FBXL18: variants seen among roughly 807,000 people sequenced by gnomAD.
FBXL18 encodes F-box/LRR-repeat protein 18.
A neutral mutation model predicts 46.0 loss-of-function variants in FBXL18; 36 were observed. The ratio of observed to expected loss-of-function variants is 0.78; its 90% CI spans 0.60 to 1.03. The LOEUF is 1.03. Among genes scored for constraint, FBXL18 ranks in the 50% least tolerant of loss-of-function variants. The pLI is 0.00. For synonymous variants in FBXL18, 557 were observed against 465.3 expected, an observed-to-expected ratio of 1.20 and a Z score of -2.54; for missense variants, 977 against 1,004.1, an observed-to-expected ratio of 0.97 and a Z score of 0.36.
chr7:5,466,867 C>G (rs1310011959), intron 4 of FBXL18, among the ~76,000 whole-genome samples: 2 of 152,144 alleles, frequency 1.3e-5, no homozygotes, highest in Admixed American at 6.6e-5. Flanking sequence ...CGCCCCATCT[C>G]GGGACACAAA....
chr7:5,492,446 AG>A (rs1200602601), intron 3 of FBXL18, among the ~76,000 whole-genome samples: 1 of 151,210 alleles, frequency 6.6e-6, no homozygotes, highest in Admixed American at 6.6e-5. Flanking sequence ...ACGTGACTTC[AG>A]GGGCTGCCAG....
downstream of FBXL18, among the ~76,000 whole-genome samples, chr7:5,473,371 C>T (rs1275766986): frequency 6.6e-6 from 1 of 152,162 alleles, no homozygotes; most frequent in Non-Finnish European, 1.5e-5. Context: ...GGTGCCTCCT[C>T]CCACCTCCTG....
At position 5,461,796 on chromosome 7, in the gene FBXL18, C is replaced by G. The variant is rs778705202; in HGVS notation, c.2001-13953G>C. On this transcript the variant is annotated intron_variant and NMD_transcript_variant, in intron 4 of 6. Coordinates refer to the FBXL18 transcript ENST00000415009. ...TCTCTACTAAAAATACAAAAATTGGCCAGGCATGATGGCGGGCGCCTGTAG... is the reference window on the plus strand; with the variant it reads ...TCTCTACTAAAAATACAAAAATTGGGCAGGCATGATGGCGGGCGCCTGTAG... Among the ~76,000 whole-genome samples the G allele has an allele frequency of 2.1e-4, 32 of 152,090 alleles. 1 individual carries two copies. Among genetic ancestry groups the G allele is most frequent in the Non-Finnish European group, 1.0e-4 (7 of 68,026 alleles).
chr7:5,459,739 CAAA>C (rs747295023), intron 4 of FBXL18, among the ~76,000 whole-genome samples: 2 of 92,432 alleles, frequency 2.2e-5, no homozygotes, highest in African/African-American at 3.7e-5. Flanking sequence ...GACTCCATCT[CAAA>C]AAAAAAAAAA....
chr7:5,505,512 G>A lies in FBXL18; in HGVS notation c.137C>T (p.Thr46Ile), dbSNP rs771434988. 1.7e-5 allele frequency: 27 copies of A among 1,614,070 alleles called. No homozygotes were observed. Among genetic ancestry groups the A allele is most frequent in the Admixed American group, 1.0e-4 (6 of 59,988 alleles). ...ACGCCGGACGTTCAGAATCAGATCTGTGCTGGGGACGTGACTCAGGATGTG... is the reference window on the plus strand; with the variant it reads ...ACGCCGGACGTTCAGAATCAGATCTATGCTGGGGACGTGACTCAGGATGTG... The part of the protein sequence containing the change: ...LLHILSHVPS[T>I]DLILNVRRTC... The change falls in exon 2 of 5, where the codon ACA (threonine) becomes ATA (isoleucine). Residue 46 changes from threonine (T) to isoleucine (I), a missense_variant. Thr to Ile is a moderately conservative substitution (Grantham distance 89, BLOSUM62 -1). Coordinates refer to ENST00000382368, the MANE Select transcript of FBXL18 (RefSeq NM_024963.6).
intron 4 of FBXL18, among the ~76,000 whole-genome samples, chr7:5,468,207 T>A (rs1038626972): frequency 1.3e-5 from 2 of 152,066 alleles, no homozygotes; most frequent in African/African-American, 4.8e-5. Flanking sequence ...ATGGTCTCGA[T>A]CTCCTGACCT....
intron 1 of FBXL18, among the ~76,000 whole-genome samples, chr7:5,510,202 T>TGAGTAGAATTGCTTGAACC (rs1396836078): frequency 1.4e-5 from 2 of 146,586 alleles, no homozygotes; most frequent in African/African-American, 5.1e-5. Context: ...CTCAGGAGGC[T>TGAGTAGAATTGCTTGAACC]GAGGCAAGGA....
intron 3 of FBXL18, chr7:5,495,819 G>A (rs1168477945): frequency 1.0e-5 from 5 of 477,530 alleles, no homozygotes; most frequent in Non-Finnish European, 1.7e-5. Flanking sequence ...AGAGGAACGG[G>A]GCCAGCTGGC....
Position 5,491,386 on chromosome 7 carries a change from C to T in FBXL18, c.1845G>A (p.Ser615=), listed in dbSNP as rs756634580. Residue 615 remains serine (S), a synonymous_variant, in exon 4 of 5, where the codon TCG becomes TCA. Coordinates refer to ENST00000382368, the MANE Select transcript of FBXL18 (RefSeq NM_024963.6). The part of the protein sequence containing the change: ...QFFQALSQCP[S]LQRLCLVSRS... ...GAGAGACCAGGCACAGGCGCTGCAG[C>T]GAGGGGCACTGGCTCAGCGCCTGGA... is the stretch of plus-strand genomic sequence containing the variant. 28 of 1,607,560 alleles carry T rather than the reference C, an allele frequency of 1.7e-5. No individual in the cohort carries two copies. The highest frequency in any genetic ancestry group is 2.2e-5 in the East Asian group (1 of 44,762).
At chr7:5,506,849 C>T (rs1784407184) in intron 1 of FBXL18, among the ~76,000 whole-genome samples, 1 of 152,232 alleles carries the variant, frequency 6.6e-6, no homozygotes, top group South Asian at 2.1e-4. Flanking sequence ...CCTGGCCATG[C>T]ACACTTCCTT....
At chr7:5,498,704 G>A (rs1784151013) in intron 3 of FBXL18, among the ~76,000 whole-genome samples, 1 of 152,190 alleles carries the variant, frequency 6.6e-6, no homozygotes, top group Non-Finnish European at 1.5e-5. Context: ...CTGAGTAGCT[G>A]GGACTACAGG....
At chr7:5,506,682 G>C (rs1273402787) in intron 1 of FBXL18, among the ~76,000 whole-genome samples, 1 of 151,888 alleles carries the variant, frequency 6.6e-6, no homozygotes, top group Non-Finnish European at 1.5e-5. Context: ...TCAGCCTCCT[G>C]AGTACCTGGG....
At position 5,478,243 on chromosome 7, in the gene FBXL18, T is replaced by C. The variant is rs6967015; in HGVS notation, c.*3532A>G. On this transcript the variant is annotated 3_prime_UTR_variant, in exon 5 of 5. Coordinates refer to ENST00000382368, the MANE Select transcript of FBXL18 (RefSeq NM_024963.6). Reference sequence around the variant, plus strand: ...TGGCAGGGCCTCTGGGGGCAGCAGATGGCAAGGATAGAGCCCGCCCCCTCT... The same window carrying C: ...TGGCAGGGCCTCTGGGGGCAGCAGACGGCAAGGATAGAGCCCGCCCCCTCT... The C allele has an allele frequency of 0.016, 2,439 of 152,430 alleles. 70 individuals carry two copies. The highest frequency in any genetic ancestry group is 0.056 in the African/African-American group (2,339 of 41,538). The allele number at this position is 152,430 out of a possible 1,614,324, so 9.4% of individuals were successfully genotyped here.
At chr7:5,502,321 G>C (rs1386610705) in intron 2 of FBXL18, among the ~76,000 whole-genome samples, 1 of 152,220 alleles carries the variant, frequency 6.6e-6, no homozygotes, top group Non-Finnish European at 1.5e-5. Flanking sequence ...GATCACCTGA[G>C]GTCAGGAGTT....
chr7:5,487,522 C>T (rs185091012), intron 4 of FBXL18, among the ~76,000 whole-genome samples: 69 of 152,314 alleles, frequency 4.5e-4, no homozygotes, highest in East Asian at 1.9e-3. Flanking sequence ...GTCCCCGACA[C>T]GGCCCCTCTC....
At chr7:5,498,076 TTTAC>T (rs1383288054) in intron 3 of FBXL18, among the ~76,000 whole-genome samples, 243 of 151,556 alleles carry the variant, frequency 1.6e-3, no homozygotes, top group African/African-American at 5.6e-3. Context: ...CTTTTTTCTT[TTTAC>T]TTTTTTTTTT....
chr7:5,501,757 C>G lies in FBXL18; in HGVS notation c.512G>C (p.Ser171Thr). 6.4e-7 allele frequency: 1 copy of G among 1,558,868 alleles called. No homozygotes were observed. The highest frequency in any genetic ancestry group is 8.7e-7 in the Non-Finnish European group (1 of 1,150,980). ...QLSSECKATL[S>T]RVRELKQTLF... Reference sequence around the variant, plus strand: ...CGTCTGCTTGAGCTCCCGCACGCGGCTCAGGGTGGCCTTGCACTCGCTGCT... The same window carrying G: ...CGTCTGCTTGAGCTCCCGCACGCGGGTCAGGGTGGCCTTGCACTCGCTGCT... Residue 171 changes from serine to threonine, a missense_variant, in exon 3 of 5, where the codon AGC (serine) becomes ACC (threonine). Physicochemically the swap from Ser to Thr is moderately conservative, Grantham distance 58 (BLOSUM62 1). Transcript: ENST00000382368.
In FBXL18 at chr7:5,505,520, G is replaced by C; in HGVS notation, c.129C>G (p.Val43=). The C allele has an allele frequency of 6.2e-7, 1 of 1,614,178 alleles. No homozygotes were observed. The highest frequency in any genetic ancestry group is 1.1e-5 in the South Asian group (1 of 91,078). The stretch of plus-strand genomic sequence containing the variant: ...CGTTCAGAATCAGATCTGTGCTGGG[G>C]ACGTGACTCAGGATGTGAAGGAGGA... ...DEILLHILSH[V]PSTDLILNVR... Residue 43 remains valine, a synonymous_variant, in exon 2 of 5, where the codon GTC becomes GTG. Transcript: ENST00000382368.
chr7:5,481,448 C>T lies in FBXL18; in HGVS notation c.*327G>A, dbSNP rs546716548. 96 of 242,544 alleles carry T rather than the reference C, an allele frequency of 4.0e-4. No individual in the cohort carries two copies. The highest frequency in any genetic ancestry group is 6.7e-4 in the Non-Finnish European group (81 of 121,714). The allele number at this position is 242,544 out of a possible 1,614,324, so 15.0% of individuals were successfully genotyped here. A position where few individuals can be genotyped will look rare whatever the true frequency, so the allele number is the denominator to read the frequency against. On this transcript the variant is annotated 3_prime_UTR_variant, in exon 5 of 5. Coordinates refer to ENST00000382368, the MANE Select transcript of FBXL18 (RefSeq NM_024963.6). Reference sequence around the variant, plus strand: ...GCAGGGGGTTCGGGCCCTCCAGGCCCGTGGACAGGGCCCCCAGGGATTGCG... The same window carrying T: ...GCAGGGGGTTCGGGCCCTCCAGGCCTGTGGACAGGGCCCCCAGGGATTGCG...
Sources: gnomAD v4.1 joint callset for allele counts (sites outside exome capture counted in the v4.1 genomes callset) on GRCh38, gnomAD v4.1.1 for gene constraint, MANE v1.5 for transcripts, NCBI Gene and HGNC (gene_info 2026-07-23, HGNC 2026-07-21) for gene names.